MUC5AC: variants seen among roughly 807,000 people sequenced by gnomAD.
MUC5AC encodes the protein mucin 5AC, oligomeric mucus/gel-forming.
In MUC5AC, 158 loss-of-function variants were observed where a neutral mutation model predicts 169.7. The observed-to-expected ratio is 0.93, with a 90% CI of 0.82 to 1.06. MUC5AC has a LOEUF of 1.06. Ranked by LOEUF, MUC5AC falls within the 50% of genes least tolerant of loss-of-function variation. The pLI, the probability that MUC5AC is intolerant of heterozygous loss-of-function variation, is 0.00. For missense variants in MUC5AC, 4,359 were observed against 3,089.9 expected, an observed-to-expected ratio of 1.41 and a Z score of -9.74; for synonymous variants, 1,975 against 1,237.0, an observed-to-expected ratio of 1.60 and a Z score of -12.52.
chr11:1,194,906 G>A (rs962783358), intron 35 of MUC5AC, 106 bp from the exon 36 acceptor site: 5 of 632,872 alleles, frequency 7.9e-6, no homozygotes, highest in African/African-American at 7.2e-5. Context: ...GCCCGCTGCA[G>A]TTCACCAAGT....
In MUC5AC at chr11:1,200,649, G is replaced by C. The variant is rs1159459483; in HGVS notation, c.16912G>C (p.Glu5638Gln). 1.3e-6 allele frequency: 1 copy of C among 763,570 alleles called. No individual in the cohort carries two copies. Among genetic ancestry groups the C allele is most frequent in the Non-Finnish European group, 2.4e-6 (1 of 416,828 alleles). 47.3% of individuals were successfully genotyped at this position (763,570 alleles called of 1,614,324 possible). A position where few individuals can be genotyped will look rare whatever the true frequency, so the allele number is the denominator to read the frequency against. Residue 5638 changes from glutamate (E) to glutamine (Q), a missense_variant, in exon 49 of 49, where the codon GAG (glutamate) becomes CAG (glutamine). Glu to Gln is a conservative substitution (Grantham distance 29). Coordinates refer to ENST00000621226, the MANE Select transcript of MUC5AC (RefSeq NM_001304359.2). ...SEEAEPEPSQ[E>Q]AESGSWERGV... ...GGAGGCGGAACCCGAGCCCAGCCAG[G>C]AGGCAGAGAGTGGGAGCTGGGAGAG...
chr11:1,178,470 C>A lies in MUC5AC; in HGVS notation c.3114C>A (p.Asn1038Lys). ...FKGRVCGLCG[N>K]FDDIAVNDFA... ...GCAGGGTCTGCGGCCTGTGTGGGAA[C>A]TTCGACGACATCGCCGTTAATGACT... Residue 1038 changes from asparagine to lysine, a missense_variant, in exon 25 of 49, where the codon AAC (asparagine) becomes AAA (lysine). By Grantham distance (94) the Asn-to-Lys change is moderately conservative. Transcript: ENST00000621226. 1 of 892,880 alleles carries A rather than the reference C, an allele frequency of 1.1e-6. No homozygotes were observed. The highest frequency in any genetic ancestry group is 1.5e-6 in the Non-Finnish European group (1 of 648,362). The allele number at this position is 892,880 out of a possible 1,614,324, so 55.3% of individuals were successfully genotyped here.
chr11:1,195,904 C>G lies in MUC5AC; in HGVS notation c.15487C>G (p.Pro5163Ala), dbSNP rs541178216. ...CTTTGAGCCGTGCCACACTGTGATC[C>G]CCCCACTGCTGTTCTATGAGGGCTG... is the stretch of plus-strand genomic sequence containing the variant. ...KVFEPCHTVIPPLLFYEGCVF... is the reference protein window; with the variant it reads ...KVFEPCHTVIAPLLFYEGCVF... The change falls in exon 37 of 49, where the codon CCC becomes GCC. Residue 5163 changes from proline to alanine, a missense_variant. Transcript: ENST00000621226. The G allele has an allele frequency of 1.3e-6, 1 of 764,916 alleles. No individual in the cohort carries two copies. Among genetic ancestry groups the G allele is most frequent in the Non-Finnish European group, 2.4e-6 (1 of 417,760 alleles). 47.4% of individuals were successfully genotyped at this position (764,916 alleles called of 1,614,324 possible). A position where few individuals can be genotyped will look rare whatever the true frequency, so the allele number is the denominator to read the frequency against.
At chr11:1,193,806 G>A (rs1353387696) in intron 33 of MUC5AC, 147 bp downstream of exon 33, 1 of 625,748 alleles carries the variant, frequency 1.6e-6, no homozygotes, top group African/African-American at 1.8e-5. Context: ...ATCAAGGCGG[G>A]GCCGCATGGG....
rs1860711651 is a variant in MUC5AC, at chr11:1,177,328, T to C, written c.2891T>C (p.Ile964Thr). 3 of 455,608 alleles carry C rather than the reference T, an allele frequency of 6.6e-6. No homozygotes were observed. Among genetic ancestry groups the C allele is most frequent in the Non-Finnish European group, 1.2e-5 (3 of 256,024 alleles). 28.2% of individuals were successfully genotyped at this position (455,608 alleles called of 1,614,324 possible). ...ACAGGGACCACCTGCTCCAAGGCCA[T>C]CAAGATTTTCCTGGGGGTGAGCGAG... Reference protein sequence around the residue: ...GTTGTTCSKAIKIFLGGFELK... With the variant: ...GTTGTTCSKATKIFLGGFELK... The change falls in exon 23 of 49, where the codon ATC becomes ACC. Residue 964 changes from isoleucine to threonine, a missense_variant. Coordinates refer to ENST00000621226, the MANE Select transcript of MUC5AC (RefSeq NM_001304359.2).
chr11:1,171,529 TCACC>T (rs1488370147), intron 15 of MUC5AC, among the ~76,000 whole-genome samples: 1 of 84,140 alleles, frequency 1.2e-5, no homozygotes, highest in Non-Finnish European at 2.4e-5. Context: ...ACTCACCCAC[TCACC>T]CACTCACTCA....
intron 25 of MUC5AC, 131 bp downstream of exon 25, chr11:1,178,814 C>A: frequency 2.2e-6 from 1 of 452,980 alleles, no homozygotes; most frequent in Non-Finnish European, 3.7e-6. Flanking sequence ...GGGACTGGCG[C>A]TGGTATGGAC....
intron 15 of MUC5AC, among the ~76,000 whole-genome samples, chr11:1,171,576 CCCATT>C (rs1860539205): frequency 7.1e-6 from 1 of 140,272 alleles, no homozygotes; most frequent in Non-Finnish European, 1.5e-5. Context: ...CACTCACTTA[CCCATT>C]CACCCACTCA....
Position 1,197,921 on chromosome 11 carries a change from G to A in MUC5AC, c.16052G>A (p.Cys5351Tyr). ...CCCGCAGCCTGCAACACCAGCCGCT[G>A]CCCCGCGCCCGTGGGCTGTCCTGAG... ...QYSCACNTSR[C>Y]PAPVGCPEGA... Residue 5351 changes from cysteine (C) to tyrosine (Y), a missense_variant, in exon 42 of 49, where the codon TGC (cysteine) becomes TAC (tyrosine). Physicochemically the swap from Cys to Tyr is radical, Grantham distance 194. Transcript: ENST00000621226. The A allele has an allele frequency of 1.4e-6, 1 of 729,676 alleles. No homozygotes were observed. Among genetic ancestry groups the A allele is most frequent in the Non-Finnish European group, 2.5e-6 (1 of 401,878 alleles). The allele number at this position is 729,676 out of a possible 1,614,324, so 45.2% of individuals were successfully genotyped here. A position where few individuals can be genotyped will look rare whatever the true frequency, so the allele number is the denominator to read the frequency against.
intron 27 of MUC5AC, 70 bp downstream of exon 27, chr11:1,180,220 G>T: frequency 2.5e-6 from 1 of 398,520 alleles, no homozygotes; most frequent in Non-Finnish European, 4.4e-6. Flanking sequence ...CCCTCGAGGA[G>T]CCTCTGTGGC....
In MUC5AC at chr11:1,185,225, T is replaced by C; in HGVS notation, c.7080T>C (p.Pro2360=). The C allele has an allele frequency of 1.4e-6, 1 of 730,090 alleles. No individual in the cohort carries two copies. Among genetic ancestry groups the C allele is most frequent in the South Asian group, 1.4e-5 (1 of 69,972 alleles). 45.2% of individuals were successfully genotyped at this position (730,090 alleles called of 1,614,324 possible). The part of the protein sequence containing the change: ...PVPTTSITSA[P]TTSTTSAPTT... The stretch of plus-strand genomic sequence containing the variant: ...CTACCACCAGCATAACCTCTGCCCC[T>C]ACAACCAGCACAACCTCTGCTCCTA... The change falls in exon 31 of 49, where the codon CCT becomes CCC. Residue 2360 remains proline (P), a synonymous_variant. Transcript: ENST00000621226.
intron 15 of MUC5AC, among the ~76,000 whole-genome samples, chr11:1,170,689 CCACTCACCCACT>C (rs1385667176): frequency 2.3e-5 from 3 of 132,934 alleles, no homozygotes; most frequent in South Asian, 2.7e-4. Flanking sequence ...ACCCATTCAC[CCACTCACCCACT>C]CACTCACCCA....
chr11:1,194,899 C>T lies in MUC5AC; in HGVS notation c.15191-113C>T, dbSNP rs574682555. 1,066 of 630,740 alleles carry T rather than the reference C, an allele frequency of 1.7e-3. 8 individuals are homozygous for T. Among genetic ancestry groups the T allele is most frequent in the Admixed American group, 3.5e-3 (149 of 42,252 alleles). The allele number at this position is 630,740 out of a possible 1,614,324, so 39.1% of individuals were successfully genotyped here. A position where few individuals can be genotyped will look rare whatever the true frequency, so the allele number is the denominator to read the frequency against. The stretch of plus-strand genomic sequence containing the variant: ...GGGACAGTGAGGCACAGGCAGGGCC[C>T]GCTGCAGTTCACCAAGTTGTGACCC... On this transcript the variant is annotated intron_variant, in intron 35 of 48. Transcript: ENST00000621226.
In MUC5AC at chr11:1,199,688, G is replaced by C. The variant is rs369309132; in HGVS notation, c.16516-7G>C. 1 of 706,874 alleles carries C rather than the reference G, an allele frequency of 1.4e-6. No homozygotes were observed. The highest frequency in any genetic ancestry group is 2.6e-6 in the Non-Finnish European group (1 of 387,598). The allele number at this position is 706,874 out of a possible 1,614,324, so 43.8% of individuals were successfully genotyped here. On this transcript the variant is annotated splice_polypyrimidine_tract_variant and splice_region_variant and intron_variant, in intron 46 of 48. Coordinates refer to ENST00000621226, the MANE Select transcript of MUC5AC (RefSeq NM_001304359.2). Reference sequence around the variant, plus strand: ...TCGGCACTGAGGGCGCCCCTCTGTCGGCACAGGACGAGGCCCGCATGAGCA... The same window carrying C: ...TCGGCACTGAGGGCGCCCCTCTGTCCGCACAGGACGAGGCCCGCATGAGCA...
chr11:1,178,563 C>T lies in MUC5AC; in HGVS notation c.3207C>T (p.Pro1069=), dbSNP rs1860740120. 5.0e-6 allele frequency: 7 copies of T among 1,394,896 alleles called. No homozygotes were observed. Among genetic ancestry groups the T allele is most frequent in the Non-Finnish European group, 5.7e-6 (6 of 1,059,616 alleles). The allele number at this position is 1,394,896 out of a possible 1,614,324, so 86.4% of individuals were successfully genotyped here. The change falls in exon 25 of 49, where the codon CCC becomes CCT. Residue 1069 remains proline (P), a synonymous_variant. Coordinates refer to ENST00000621226, the MANE Select transcript of MUC5AC (RefSeq NM_001304359.2). ...TTGGGAACAGCTGGAAGCTCTCCCC[C>T]TCCTGCCCAGATGCCCTGGCGCCCA... ...LEFGNSWKLS[P]SCPDALAPKD...
At chr11:1,162,191 TG>T (rs764155869) in intron 4 of MUC5AC, 23 bp downstream of exon 4, 10 of 1,602,860 alleles carry the variant, frequency 6.2e-6, no homozygotes, top group Middle Eastern at 1.9e-4. Flanking sequence ...TCTGGGATGG[TG>T]GGGGCCACGC....
chr11:1,187,396 C>G lies in MUC5AC; in HGVS notation c.9251C>G (p.Thr3084Arg). The G allele has an allele frequency of 1.4e-6, 1 of 739,354 alleles. No homozygotes were observed. Among genetic ancestry groups the G allele is most frequent in the South Asian group, 1.4e-5 (1 of 70,792 alleles). The allele number at this position is 739,354 out of a possible 1,614,324, so 45.8% of individuals were successfully genotyped here. ...ACAACCTCTGCTCCTACAACCAGCA[C>G]AACCTCTGCCGCTACAACCAGCACA... ...TSTTSAPTTS[T>R]TSAATTSTIS... Residue 3084 changes from threonine to arginine, a missense_variant, in exon 31 of 49, where the codon ACA becomes AGA. Coordinates refer to ENST00000621226, the MANE Select transcript of MUC5AC (RefSeq NM_001304359.2).
chr11:1,175,688 A>G (rs1346498529), intron 19 of MUC5AC, among the ~76,000 whole-genome samples: 6 of 144,938 alleles, frequency 4.1e-5, no homozygotes, highest in Non-Finnish European at 9.0e-5. Context: ...ACTCATGCAC[A>G]CACACCCATT....
rs765472281 is a variant in MUC5AC, at chr11:1,200,607, G to A, written c.16870G>A (p.Asp5624Asn). Reference sequence around the variant, plus strand: ...GGGCCGGCGGTGCCCTGCGCCGGGCGACACCCAGCACTCGGAGGAGGCGGA... The same window carrying A: ...GGGCCGGCGGTGCCCTGCGCCGGGCAACACCCAGCACTCGGAGGAGGCGGA... ...CMGRRCPAPG[D>N]TQHSEEAEPE... The change falls in exon 49 of 49, where the codon GAC (aspartate) becomes AAC (asparagine). Residue 5624 changes from aspartate to asparagine, a missense_variant. By Grantham distance (23) the Asp-to-Asn change is conservative (BLOSUM62 1). Coordinates refer to ENST00000621226, the MANE Select transcript of MUC5AC (RefSeq NM_001304359.2). 1.2e-5 allele frequency: 9 copies of A among 764,326 alleles called. No homozygotes were observed. The highest frequency in any genetic ancestry group is 8.5e-5 in the Admixed American group (5 of 58,976). 47.3% of individuals were successfully genotyped at this position (764,326 alleles called of 1,614,324 possible). A position where few individuals can be genotyped will look rare whatever the true frequency, so the allele number is the denominator to read the frequency against.
Sources: gnomAD v4.1 joint callset for allele counts (sites outside exome capture counted in the v4.1 genomes callset) on GRCh38, gnomAD v4.1.1 for gene constraint, MANE v1.5 for transcripts, NCBI Gene and HGNC (gene_info 2026-07-23, HGNC 2026-07-21) for gene names.